The following BCAS3 variants were observed in gnomAD, a reference collection of about 807,000 sequenced individuals.
The protein encoded by BCAS3 is BCAS3 microtubule associated cell migration factor.
In BCAS3, 53 loss-of-function variants were observed where a neutral mutation model predicts 116.1. The observed-to-expected ratio is 0.46, with a 90% confidence interval of 0.37 to 0.57. The LOEUF (loss-of-function observed/expected upper bound fraction) is 0.57. Ranked by LOEUF, BCAS3 falls within the 20% of genes least tolerant of loss-of-function variation. The pLI, the probability that BCAS3 is intolerant of heterozygous loss-of-function variation, is 0.00. For synonymous variants in BCAS3, 391 were observed against 408.2 expected (o/e 0.96, Z 0.51); for missense variants, 917 against 1,165.4 (o/e 0.79, Z 3.10).
At chr17:60,936,609 GTGA>G (rs1414052254) in intron 13 of BCAS3, among the ~76,000 whole-genome samples, 1 of 152,326 alleles carries the variant, frequency 6.6e-6, no homozygotes, top group African/African-American at 2.4e-5. Flanking sequence ...CTGATGGCCA[GTGA>G]TGATGAGCAT....
chr17:61,170,355 C>T (rs923075441), intron 22 of BCAS3, among the ~76,000 whole-genome samples: 4 of 151,836 alleles, frequency 2.6e-5, no homozygotes, highest in Non-Finnish European at 2.9e-5. Flanking sequence ...TGCAGTGGTG[C>T]GACCTTGGCT....
At chr17:60,722,091 A>G (rs1441848575) in intron 5 of BCAS3, among the ~76,000 whole-genome samples, 1 of 152,198 alleles carries the variant, frequency 6.6e-6, no homozygotes, top group Non-Finnish European at 1.5e-5. Context: ...ATTTTGAAAA[A>G]TCCATTATAT....
At chr17:60,764,914 C>G (rs2043930236) in intron 6 of BCAS3, among the ~76,000 whole-genome samples, 1 of 151,868 alleles carries the variant, frequency 6.6e-6, no homozygotes, top group South Asian at 2.1e-4. Flanking sequence ...GAATAGTTAG[C>G]TCTTCTTGTT....
At chr17:61,067,543 C>G (rs2070812668) in intron 19 of BCAS3, among the ~76,000 whole-genome samples, 1 of 148,394 alleles carries the variant, frequency 6.7e-6, no homozygotes, top group Non-Finnish European at 1.5e-5. Context: ...ATGGTGGAAC[C>G]CCACCTCTAC....
chr17:60,872,452 TACAC>T (rs1057478427), intron 8 of BCAS3, among the ~76,000 whole-genome samples: 4 of 149,648 alleles, frequency 2.7e-5, no homozygotes, highest in Non-Finnish European at 4.5e-5. Flanking sequence ...TATATACACA[TACAC>T]ACACACCCCA....
rs1275940391 is a variant in BCAS3 at position 61,188,110 on chromosome 17, G to T, written c.2425+103546G>T. 6.6e-6 allele frequency among the ~76,000 whole-genome samples: 1 copy of T among 152,092 alleles called. No homozygotes were observed. Among genetic ancestry groups the T allele is most frequent in the Non-Finnish European group, 1.5e-5 (1 of 68,020 alleles). ...TTTCTCTGCTCTTGAACTTTTGAGG[G>T]AAAAACAAATACATGGCAGAATTGT... On this transcript the variant is annotated intron_variant, in intron 22 of 23. Coordinates refer to ENST00000407086, the MANE Select transcript of BCAS3 (RefSeq NM_017679.5). The surrounding 1 kb of genome is among the most constrained non-coding windows in gnomAD (Gnocchi z 4.0).
intron 6 of BCAS3, among the ~76,000 whole-genome samples, chr17:60,801,931 A>G (rs147766675): frequency 5.5e-4 from 83 of 151,786 alleles, no homozygotes; most frequent in Non-Finnish European, 1.1e-3. Flanking sequence ...ATCCTTTTCA[A>G]TTTCTTGTGT....
At chr17:60,882,303 G>A (rs928365675) in intron 9 of BCAS3, among the ~76,000 whole-genome samples, 1 of 149,280 alleles carries the variant, frequency 6.7e-6, no homozygotes, top group African/African-American at 2.5e-5. Flanking sequence ...TTTTTTTCTT[G>A]TAAATTTGTT....
In BCAS3 at chr17:61,333,843, C is replaced by G. The variant is rs897182851; in HGVS notation, c.2426-34484C>G. ...CCATGTTGGCCAAGCCGGTCTCAAACTCCTTACCTCAAGTGATCCGCCCAT... is the reference window on the plus strand; with the variant it reads ...CCATGTTGGCCAAGCCGGTCTCAAAGTCCTTACCTCAAGTGATCCGCCCAT... On this transcript the variant is annotated intron_variant, in intron 22 of 23. Transcript: ENST00000407086. This position sits in a 1 kb window ranked among gnomAD's most constrained non-coding sequence, Gnocchi z 4.8. 1.3e-5 allele frequency among the ~76,000 whole-genome samples: 2 copies of G among 152,132 alleles called. No individual in the cohort carries two copies. Among genetic ancestry groups the G allele is most frequent in the Admixed American group, 1.3e-4 (2 of 15,268 alleles).
chr17:60,704,998 A>G (rs1294386650), intron 4 of BCAS3, among the ~76,000 whole-genome samples: 1 of 152,066 alleles, frequency 6.6e-6, no homozygotes, highest in African/African-American at 2.4e-5. Context: ...TGGACCTTTT[A>G]AGGCTCACCA....
intron 13 of BCAS3, among the ~76,000 whole-genome samples, chr17:60,941,960 T>C (rs1193096797): frequency 1.3e-5 from 2 of 152,214 alleles, no homozygotes; most frequent in Non-Finnish European, 2.9e-5. Flanking sequence ...GTCAGAATGA[T>C]GTTTCTATTG....
At chr17:60,825,891 A>G (rs1413914562) in intron 7 of BCAS3, among the ~76,000 whole-genome samples, 3 of 139,340 alleles carry the variant, frequency 2.2e-5, no homozygotes, top group Non-Finnish European at 3.0e-5. Flanking sequence ...GAAGTCTCGC[A>G]CCGTCACCCA....
intron 5 of BCAS3, among the ~76,000 whole-genome samples, chr17:60,722,100 A>G (rs1318909234): frequency 1.3e-5 from 2 of 152,180 alleles, no homozygotes; most frequent in African/African-American, 2.4e-5. Context: ...AATCCATTAT[A>G]TGACTGATAG....
chr17:60,995,001 G>A lies in BCAS3; in HGVS notation c.1486+4766G>A, dbSNP rs1012480661. Among the ~76,000 whole-genome samples the A allele has an allele frequency of 4.0e-5, 6 of 151,044 alleles. No individual in the cohort carries two copies. The highest frequency in any genetic ancestry group is 1.2e-4 in the African/African-American group (5 of 41,014). On this transcript the variant is annotated intron_variant, in intron 15 of 23. Transcript: ENST00000407086. This position sits in a 1 kb window ranked among gnomAD's most constrained non-coding sequence, Gnocchi z 4.7. Reference sequence around the variant, plus strand: ...AAGGCCTTTTTTATTTTTTTGAGACGGGGTCTCGCTCTGTCACCCAGGCTG... The same window carrying A: ...AAGGCCTTTTTTATTTTTTTGAGACAGGGTCTCGCTCTGTCACCCAGGCTG...
rs772900751 is a variant in BCAS3 at position 60,754,680 on chromosome 17, TACACACACACACAC to T, written c.403+7449_403+7462del. On this transcript the variant is annotated intron_variant, in intron 6 of 23. Coordinates refer to ENST00000407086, the MANE Select transcript of BCAS3 (RefSeq NM_017679.5). ...AGAAATGCAGATGTAAAATTTAAAA[TACACACACACACAC>T]ACACACACACACACACACACACACA... 3.4e-3 allele frequency among the ~76,000 whole-genome samples: 498 copies of T among 145,474 alleles called. 8 individuals are homozygous for T. The highest frequency in any genetic ancestry group is 0.012 in the African/African-American group (458 of 36,930).
chr17:61,332,981 C>A lies in BCAS3; in HGVS notation c.2426-35346C>A, dbSNP rs1453096961. On this transcript the variant is annotated intron_variant, in intron 22 of 23. Transcript: ENST00000407086. The surrounding 1 kb of genome is among the most constrained non-coding windows in gnomAD (Gnocchi z 5.4). The stretch of plus-strand genomic sequence containing the variant: ...GTCATATTACAAGTCTAGGGCAGAG[C>A]GGGGACTATATTCTGGCTTCCTGAC... 6.6e-6 allele frequency among the ~76,000 whole-genome samples: 1 copy of A among 152,196 alleles called. No homozygotes were observed. Among genetic ancestry groups the A allele is most frequent in the Non-Finnish European group, 1.5e-5 (1 of 68,046 alleles).
At chr17:60,710,227 C>T (rs964061154) in intron 5 of BCAS3, among the ~76,000 whole-genome samples, 1 of 152,100 alleles carries the variant, frequency 6.6e-6, no homozygotes, top group African/African-American at 2.4e-5. Context: ...TTTGAAGCCC[C>T]ATGAGTATGT....
intron 22 of BCAS3, among the ~76,000 whole-genome samples, chr17:61,155,052 A>G (rs1198177890): frequency 1.3e-5 from 2 of 152,184 alleles, no homozygotes; most frequent in Non-Finnish European, 2.9e-5. Context: ...AGAATTTTTA[A>G]TGAGACATGT....
intron 5 of BCAS3, among the ~76,000 whole-genome samples, chr17:60,740,265 C>T (rs1018176539): frequency 6.6e-6 from 1 of 151,654 alleles, no homozygotes; most frequent in African/African-American, 2.4e-5. Context: ...GAGAGTGAGG[C>T]GGGTGGATCA....
Sources: gnomAD v4.1 joint callset for allele counts (sites outside exome capture counted in the v4.1 genomes callset) on GRCh38, gnomAD v4.1.1 for gene constraint, Gnocchi (gnomAD v3.1) non-coding constraint, MANE v1.5 for transcripts, NCBI Gene and HGNC (gene_info 2026-07-23, HGNC 2026-07-21) for gene names.